Variants in DLEU7 observed in about 807,000 individuals in gnomAD.
DLEU7 encodes the protein deleted in lymphocytic leukemia 7, also known as leukemia-associated protein 7.
DLEU7 carries 17 observed loss-of-function variants against 16.0 expected under a neutral mutation model. That is an observed-to-expected ratio of 1.06 (90% confidence interval 0.73 to 1.59). The LOEUF (loss-of-function observed/expected upper bound fraction) is 1.59, where lower values mean the gene tolerates loss of function less well. Among genes scored for constraint, DLEU7 ranks in the 40% most tolerant of loss-of-function variants. The probability of loss-of-function intolerance (pLI) is 0.00; values close to 1 mark genes in which losing one functional copy is unlikely to be tolerated. For missense variants in DLEU7, 308 were observed against 314.9 expected (o/e 0.98, Z 0.17); for synonymous variants, 113 against 139.8 (o/e 0.81, Z 1.35).
rs149977029 is a variant in DLEU7, at chr13:50,805,664, C to T, written c.459+37524G>A. Among the ~76,000 whole-genome samples, 19 of 152,210 alleles carry T rather than the reference C, an allele frequency of 1.2e-4. No homozygotes were observed. In the East Asian group the frequency reaches 3.7e-3, roughly 29 times the overall value. On this transcript the variant is annotated intron_variant, in intron 1 of 1. Coordinates refer to the DLEU7 transcript ENST00000400393. ...ATGTCTAGCTATGCTTTCAGCAATG[C>T]CCTGTCTTCTTTGTGCAGTTTCCTA...
chr13:50,769,612 T>C (rs1378326583), intron 1 of DLEU7, among the ~76,000 whole-genome samples: 1 of 152,224 alleles, frequency 6.6e-6, no homozygotes, highest in Non-Finnish European at 1.5e-5. Context: ...GCCGGTGTTA[T>C]TTCTGAGGCC....
downstream of DLEU7, chr13:50,818,423 T>C (rs1876797102): frequency 6.6e-6 from 1 of 152,174 alleles, no homozygotes; most frequent in Non-Finnish European, 1.5e-5. Flanking sequence ...AATGATTCTT[T>C]TCACTTTTTT....
At chr13:50,841,969 T>C (rs188851850) in intron 1 of DLEU7, among the ~76,000 whole-genome samples, 309 of 151,294 alleles carry the variant, frequency 2.0e-3, no homozygotes, top group African/African-American at 7.0e-3. Flanking sequence ...TGGCAGTGTC[T>C]GGAGACATTT....
intron 1 of DLEU7, among the ~76,000 whole-genome samples, chr13:50,745,464 GA>G (rs1473101374): frequency 6.6e-6 from 1 of 152,030 alleles, no homozygotes; most frequent in Non-Finnish European, 1.5e-5. Context: ...TTGGGAGGTG[GA>G]AAAAGTTCTG....
At chr13:50,789,012 T>C (rs1177852047) in intron 1 of DLEU7, among the ~76,000 whole-genome samples, 1 of 152,148 alleles carries the variant, frequency 6.6e-6, no homozygotes, top group Non-Finnish European at 1.5e-5. Flanking sequence ...CTGTAAATAA[T>C]GGCTTCAATT....
Position 50,717,671 on chromosome 13 carries a change from C to T in DLEU7, c.460-4431G>A, listed in dbSNP as rs573452629. ...CAGAACACTTTATGAGAAGTTCTAA[C>T]ACCTAGCCCTAATGCCAAGACTGAG... is the stretch of plus-strand genomic sequence containing the variant. On this transcript the variant is annotated intron_variant, in intron 1 of 1. Coordinates refer to the DLEU7 transcript ENST00000400393. 8.9e-4 allele frequency among the ~76,000 whole-genome samples: 134 copies of T among 150,972 alleles called. 2 individuals carry two copies. Among genetic ancestry groups the T allele is most frequent in the South Asian group, 3.6e-3 (17 of 4,710 alleles).
chr13:50,741,518 A>G (rs185828382), intron 1 of DLEU7, among the ~76,000 whole-genome samples: 124 of 152,282 alleles, frequency 8.1e-4, no homozygotes, highest in Admixed American at 2.4e-3. Context: ...AAATTTCAGG[A>G]CAACTGTTTC....
At chr13:50,728,215 G>T (rs1873819909) in intron 1 of DLEU7, among the ~76,000 whole-genome samples, 1 of 152,126 alleles carries the variant, frequency 6.6e-6, no homozygotes, top group South Asian at 2.1e-4. Flanking sequence ...GGTCGGGGGT[G>T]GGAATGGGTG....
downstream of DLEU7, among the ~76,000 whole-genome samples, chr13:50,818,849 G>C (rs1876809557): frequency 6.6e-6 from 1 of 152,088 alleles, no homozygotes; most frequent in African/African-American, 2.4e-5. Flanking sequence ...TCTTATGCCT[G>C]TGTTCTCTCC....
At chr13:50,792,560 G>T (rs536546879) in intron 1 of DLEU7, among the ~76,000 whole-genome samples, 13 of 152,228 alleles carry the variant, frequency 8.5e-5, no homozygotes, top group African/African-American at 3.1e-4. Context: ...TCTTGGCCTA[G>T]TTTTTCCTTC....
intron 1 of DLEU7, among the ~76,000 whole-genome samples, chr13:50,835,011 G>A (rs1006102015): frequency 3.3e-5 from 5 of 149,782 alleles, no homozygotes; most frequent in African/African-American, 9.9e-5. Context: ...CATGTACACA[G>A]GGAGGGGCAT....
At chr13:50,728,442 T>C (rs1005257894) in intron 1 of DLEU7, among the ~76,000 whole-genome samples, 32 of 152,140 alleles carry the variant, frequency 2.1e-4, no homozygotes, top group African/African-American at 7.7e-4. Context: ...TTTAATAGGT[T>C]TTTACTGCAG....
chr13:50,755,479 T>C (rs1177265491), intron 1 of DLEU7, among the ~76,000 whole-genome samples: 2 of 152,204 alleles, frequency 1.3e-5, no homozygotes, highest in Non-Finnish European at 2.9e-5. Context: ...TGTTCAATTC[T>C]ATTGCTGAGA....
At chr13:50,822,076 G>A (rs949891231), downstream of DLEU7, among the ~76,000 whole-genome samples, 16 of 150,868 alleles carry the variant, frequency 1.1e-4, no homozygotes, top group Non-Finnish European at 1.9e-4. Context: ...ACACACACAC[G>A]CATGCACACA....
At chr13:50,822,802 A>G, downstream of DLEU7, 1 of 985,830 alleles carries the variant, frequency 1.0e-6, no homozygotes, top group Non-Finnish European at 1.2e-6. Flanking sequence ...GAAGCTCATA[A>G]TTACTGACAC....
chr13:50,757,794 G>A (rs1161609491), intron 1 of DLEU7, among the ~76,000 whole-genome samples: 3 of 152,188 alleles, frequency 2.0e-5, no homozygotes, highest in Non-Finnish European at 4.4e-5. Flanking sequence ...TAAGCAATGT[G>A]ATGTTAGCAA....
rs983232414 is a variant in DLEU7 at position 50,843,671 on chromosome 13, C to T, written c.-25G>A. 1.3e-6 allele frequency: 2 copies of T among 1,498,570 alleles called. No individual in the cohort carries two copies. The highest frequency in any genetic ancestry group is 1.8e-6 in the Non-Finnish European group (2 of 1,131,578). The allele number at this position is 1,498,570 out of a possible 1,614,324, so 92.8% of individuals were successfully genotyped here. On this transcript the variant is annotated 5_prime_UTR_variant, in exon 1 of 2. Transcript: ENST00000504404. This position sits in a 1 kb window ranked among gnomAD's most constrained non-coding sequence, Gnocchi z 5.7. ...TCGCCTCCGCTGGCGGCCCGGCGCG[C>T]TCCGCGTGCAGGTGGAGCAGCAGCG...
chr13:50,839,188 T>C (rs1484371500), intron 1 of DLEU7, among the ~76,000 whole-genome samples: 1 of 152,226 alleles, frequency 6.6e-6, no homozygotes, highest in East Asian at 1.9e-4. Context: ...AGCACTGTAA[T>C]GTAGGAGAAT....
Position 50,765,737 on chromosome 13 carries a change from C to T in DLEU7, c.460-52497G>A, listed in dbSNP as rs187813182. 2.7e-3 allele frequency among the ~76,000 whole-genome samples: 406 copies of T among 151,278 alleles called. 1 individual carries two copies. Among genetic ancestry groups the T allele is most frequent in the African/African-American group, 9.3e-3 (384 of 41,200 alleles). ...GCTTAGTTCAGCAAAAGTTTTGAAC[C>T]CCTCACATGTGCCAGGCACTGTACT... On this transcript the variant is annotated intron_variant, in intron 1 of 1. Coordinates refer to the DLEU7 transcript ENST00000400393.
Sources: gnomAD v4.1 joint callset for allele counts (sites outside exome capture counted in the v4.1 genomes callset) on GRCh38, gnomAD v4.1.1 for gene constraint, Gnocchi (gnomAD v3.1) non-coding constraint, MANE v1.5 for transcripts, NCBI Gene and HGNC (gene_info 2026-07-23, HGNC 2026-07-21) for gene names.